Variants in MB observed in about 807,000 individuals in gnomAD.
The protein encoded by MB is myoglobin, also known as nitrite reductase MB.
In MB, 10 loss-of-function variants were observed where a neutral mutation model predicts 14.5. The ratio of observed to expected loss-of-function variants is 0.69; its 90% confidence interval spans 0.43 to 1.17. The LOEUF is 1.17. MB is among the 50% of genes most tolerant of loss of function. The probability of loss-of-function intolerance (pLI) is 0.00; values close to 1 mark genes in which losing one functional copy is unlikely to be tolerated. For synonymous variants in MB, 89 were observed against 78.6 expected, an observed-to-expected ratio of 1.13 and a Z score of -0.70; for missense variants, 169 against 192.7, an observed-to-expected ratio of 0.88 and a Z score of 0.73.
chr22:35,613,895 G>A (rs1353071663), intron 1 of MB, among the ~76,000 whole-genome samples: 1 of 152,198 alleles, frequency 6.6e-6, no homozygotes, highest in Admixed American at 6.5e-5. Flanking sequence ...GTGGGCCCAG[G>A]CCTTGCAGCT....
At chr22:35,621,098 T>C (rs1923432278), upstream of MB, among the ~76,000 whole-genome samples, 1 of 152,176 alleles carries the variant, frequency 6.6e-6, no homozygotes, top group Non-Finnish European at 1.5e-5. Context: ...TGGGGGCTAT[T>C]ATTATCCCTG....
At chr22:35,614,651 G>A (rs1922923015) in intron 1 of MB, among the ~76,000 whole-genome samples, 1 of 152,230 alleles carries the variant, frequency 6.6e-6, no homozygotes, top group African/African-American at 2.4e-5. Context: ...TCAGGCTTCA[G>A]TGAGTGAAAC....
upstream of MB, among the ~76,000 whole-genome samples, chr22:35,621,545 A>G (rs988194133): frequency 1.3e-5 from 2 of 152,118 alleles, no homozygotes; most frequent in African/African-American, 2.4e-5. Context: ...CTTCAACGGT[A>G]TTTTGTCCAA....
chr22:35,616,542 T>C lies in MB; in HGVS notation c.95+621A>G, dbSNP rs376640571. ...CTACTAACATTTCTAGGACTCAGTA[T>C]ATGCCAGGAACCATGCCAGGCCTCT... On this transcript the variant is annotated intron_variant, in intron 1 of 2. Coordinates refer to ENST00000397326, the MANE Select transcript of MB (RefSeq NM_005368.3). Among the ~76,000 whole-genome samples, 7 of 152,342 alleles carry C rather than the reference T, an allele frequency of 4.6e-5. No individual in the cohort carries two copies. The East Asian group carries it at 9.6e-4, about 21-fold the overall frequency.
chr22:35,617,301 G>T lies in MB; in HGVS notation c.-44C>A, dbSNP rs963445726. ...CAAAAAGAGCAAGTATGGGCTCACTGGGTGTCCTGGCCCCAACAGCTGGGG... is the reference window on the plus strand; with the variant it reads ...CAAAAAGAGCAAGTATGGGCTCACTTGGTGTCCTGGCCCCAACAGCTGGGG... On this transcript the variant is annotated 5_prime_UTR_variant, in exon 1 of 3. Transcript: ENST00000397326. The T allele has an allele frequency of 1.3e-6, 2 of 1,507,110 alleles. No homozygotes were observed. Among genetic ancestry groups the T allele is most frequent in the Non-Finnish European group, 9.2e-7 (1 of 1,083,268 alleles). The allele number at this position is 1,507,110 out of a possible 1,614,324, so 93.4% of individuals were successfully genotyped here. A position where few individuals can be genotyped will look rare whatever the true frequency, so the allele number is the denominator to read the frequency against.
upstream of MB, among the ~76,000 whole-genome samples, chr22:35,619,088 C>T (rs1253196016): frequency 6.6e-6 from 1 of 152,250 alleles, no homozygotes; most frequent in Non-Finnish European, 1.5e-5. Flanking sequence ...ATCCCTCTCA[C>T]AGTGATAGAG....
intron 1 of MB, among the ~76,000 whole-genome samples, chr22:35,613,244 C>T (rs1922786613): frequency 6.6e-6 from 1 of 152,222 alleles, no homozygotes; most frequent in African/African-American, 2.4e-5. Context: ...ATTTGGGCCA[C>T]AAGGCAGCTG....
chr22:35,607,716 C>A (rs1290821773), intron 2 of MB, among the ~76,000 whole-genome samples: 2 of 152,094 alleles, frequency 1.3e-5, no homozygotes, highest in Admixed American at 6.5e-5. Flanking sequence ...CCCAGGAGGG[C>A]CGGCTCCGGA....
chr22:35,607,659 A>T (rs912931702), intron 2 of MB, among the ~76,000 whole-genome samples: 4 of 152,172 alleles, frequency 2.6e-5, no homozygotes, highest in Non-Finnish European at 5.9e-5. Context: ...CGATTTACAG[A>T]TGCAGAAACT....
At chr22:35,618,254 C>T (rs573234345), upstream of MB, among the ~76,000 whole-genome samples, 110 of 152,318 alleles carry the variant, frequency 7.2e-4, no homozygotes, top group East Asian at 1.9e-4. Context: ...CTCAGGAAGC[C>T]ACGCCCCTTT....
chr22:35,620,681 T>C (rs1923405577), upstream of MB, among the ~76,000 whole-genome samples: 1 of 152,128 alleles, frequency 6.6e-6, no homozygotes, highest in Admixed American at 6.5e-5. Flanking sequence ...CTCCTGGAGA[T>C]TGAGACGCAA....
intron 2 of MB, among the ~76,000 whole-genome samples, chr22:35,607,652 T>G (rs1922256137): frequency 6.6e-6 from 1 of 152,162 alleles, no homozygotes; most frequent in Admixed American, 6.5e-5. Flanking sequence ...CTGCCCTCGA[T>G]TTACAGATGC....
At chr22:35,619,422 G>C (rs1398698500), upstream of MB, among the ~76,000 whole-genome samples, 1 of 152,200 alleles carries the variant, frequency 6.6e-6, no homozygotes, top group Non-Finnish European at 1.5e-5. Context: ...GCCATCCTGG[G>C]TCTGCACTGG....
At chr22:35,617,105 T>G in intron 1 of MB, 58 bp downstream of exon 1, 1 of 1,379,490 alleles carries the variant, frequency 7.2e-7, no homozygotes. Flanking sequence ...ACCTTGCAGC[T>G]GAACACCCTT....
chr22:35,621,809 A>G (rs1183782886), upstream of MB, among the ~76,000 whole-genome samples: 2 of 152,170 alleles, frequency 1.3e-5, no homozygotes, highest in African/African-American at 4.8e-5. Context: ...TGAACATCCC[A>G]GGACTTCCAC....
At chr22:35,620,028 A>G (rs995599518), upstream of MB, among the ~76,000 whole-genome samples, 5 of 152,232 alleles carry the variant, frequency 3.3e-5, no homozygotes, top group African/African-American at 7.2e-5. Flanking sequence ...AGCAGTAACA[A>G]AATAAGTAGC....
chr22:35,615,840 A>T (rs567511284), intron 1 of MB: 1 of 152,246 alleles, frequency 6.6e-6, no homozygotes, highest in African/African-American at 2.4e-5. Flanking sequence ...TTGCAGCCAG[A>T]TGACAGGGAC....
intron 1 of MB, among the ~76,000 whole-genome samples, chr22:35,612,359 G>C (rs1013890734): frequency 6.6e-6 from 1 of 152,142 alleles, no homozygotes; most frequent in Admixed American, 6.5e-5. Context: ...TCACAACCAG[G>C]ATGCTGAGCT....
At chr22:35,621,588 A>C (rs529283915), upstream of MB, among the ~76,000 whole-genome samples, 20 of 152,292 alleles carry the variant, frequency 1.3e-4, 1 homozygote, top group Admixed American at 4.6e-4. Flanking sequence ...CCTACAGATC[A>C]TCATCTGGCA....
Sources: gnomAD v4.1 joint callset for allele counts (sites outside exome capture counted in the v4.1 genomes callset) on GRCh38, gnomAD v4.1.1 for gene constraint, MANE v1.5 for transcripts, NCBI Gene and HGNC (gene_info 2026-07-23, HGNC 2026-07-21) for gene names.